ATP11B: variants seen among roughly 807,000 people sequenced by gnomAD.
ATP11B encodes the protein ATPase phospholipid transporting 11B (putative).
Under a neutral mutation model 157.8 loss-of-function variants are expected in ATP11B, and 81 were observed. The ratio of observed to expected loss-of-function variants is 0.51; its 90% CI spans 0.43 to 0.62. The LOEUF (loss-of-function observed/expected upper bound fraction) is 0.62, where lower values mean the gene tolerates loss of function less well. ATP11B is among the 20% of genes least tolerant of loss of function. ATP11B has a pLI of 0.00. For missense variants in ATP11B, 1,165 were observed against 1,402.2 expected (o/e 0.83, Z 2.70); for synonymous variants, 451 against 469.4 (o/e 0.96, Z 0.51).
At chr3:182,874,309 A>G (rs1577060492) in intron 19 of ATP11B, among the ~76,000 whole-genome samples, 1 of 152,326 alleles carries the variant, frequency 6.6e-6, no homozygotes, top group African/African-American at 2.4e-5. Context: ...GAGTAGTTGC[A>G]GCAGAGACTT....
At chr3:182,873,326 A>T (rs557905556) in intron 18 of ATP11B, among the ~76,000 whole-genome samples, 1 of 152,104 alleles carries the variant, frequency 6.6e-6, no homozygotes, top group South Asian at 2.1e-4. Flanking sequence ...CATATTTTTA[A>T]AATCTATGTT....
chr3:182,843,274 A>G (rs979100845), intron 8 of ATP11B, among the ~76,000 whole-genome samples: 5 of 152,356 alleles, frequency 3.3e-5, no homozygotes, highest in Non-Finnish European at 7.4e-5. Flanking sequence ...AACAAATCCC[A>G]TGAAATGATA....
intron 10 of ATP11B, among the ~76,000 whole-genome samples, chr3:182,856,631 C>G (rs1329709236): frequency 6.6e-6 from 1 of 152,132 alleles, no homozygotes; most frequent in East Asian, 1.9e-4. Context: ...GCGAGCAGTA[C>G]TATAGGTGAA....
Position 182,818,497 on chromosome 3 carries a change from G to A in ATP11B, c.28-1763G>A, listed in dbSNP as rs149578092. Among the ~76,000 whole-genome samples, 49 of 152,262 alleles carry A rather than the reference G, an allele frequency of 3.2e-4. No homozygotes were observed. The East Asian group carries it at 8.9e-3, about 28-fold the overall frequency. On this transcript the variant is annotated intron_variant, in intron 1 of 29. Transcript: ENST00000323116. ...ACTATTGCAAAATGTTGCAAAAGCAGGGTAGAAAAATCTTAGGACTTTAAA... is the reference window on the plus strand; with the variant it reads ...ACTATTGCAAAATGTTGCAAAAGCAAGGTAGAAAAATCTTAGGACTTTAAA...
chr3:182,836,766 T>C (rs555378348), intron 6 of ATP11B: 96 of 493,014 alleles, frequency 1.9e-4, no homozygotes, highest in African/African-American at 1.9e-3. Context: ...ATTTTCTCAG[T>C]TTTCAGAGGG....
intron 28 of ATP11B, among the ~76,000 whole-genome samples, chr3:182,911,625 C>T (rs944906185): frequency 1.3e-5 from 2 of 152,086 alleles, no homozygotes; most frequent in African/African-American, 2.4e-5. Flanking sequence ...CTGGGGCATA[C>T]GTGGTGAGCA....
At chr3:182,816,991 A>G (rs148842550) in intron 1 of ATP11B, among the ~76,000 whole-genome samples, 1 of 152,230 alleles carries the variant, frequency 6.6e-6, no homozygotes, top group Admixed American at 6.5e-5. Context: ...TACTTATACT[A>G]TAGACACATA....
chr3:182,794,517 C>T (rs1387622575), intron 1 of ATP11B, among the ~76,000 whole-genome samples: 2 of 152,128 alleles, frequency 1.3e-5, no homozygotes, highest in Admixed American at 6.5e-5. Context: ...ACTTTTTTCC[C>T]GTTCTCCTCA....
chr3:182,894,525 C>A (rs1723394072), intron 25 of ATP11B, among the ~76,000 whole-genome samples: 1 of 152,164 alleles, frequency 6.6e-6, no homozygotes. Flanking sequence ...AATGCCTTTG[C>A]CACTCACATT....
Position 182,853,254 on chromosome 3 carries a change from C to G in ATP11B, c.852-4624C>G, listed in dbSNP as rs1334442870. Among the ~76,000 whole-genome samples the G allele has an allele frequency of 3.3e-5, 5 of 152,278 alleles. No individual in the cohort carries two copies. In the East Asian group the frequency reaches 9.7e-4, roughly 29 times the overall value. ...GACAGAGTCTCACTCTGTCACCAGG[C>G]TGGAGTGCAGTGGTGCGATCTCGGC... On this transcript the variant is annotated intron_variant, in intron 10 of 29. Coordinates refer to ENST00000323116, the MANE Select transcript of ATP11B (RefSeq NM_014616.3).
At chr3:182,911,413 A>G (rs921390681) in intron 28 of ATP11B, among the ~76,000 whole-genome samples, 1 of 136,080 alleles carries the variant, frequency 7.3e-6, no homozygotes. Context: ...TCTTATAATC[A>G]TAAGGCAGGA....
At chr3:182,879,430 C>G in intron 19 of ATP11B, 66 bp from the exon 20 acceptor site, 2 of 1,378,972 alleles carry the variant, frequency 1.5e-6, no homozygotes, top group Admixed American at 4.8e-5. Flanking sequence ...ATGTGTTGTT[C>G]TATATGAGTG....
intron 12 of ATP11B, among the ~76,000 whole-genome samples, chr3:182,864,042 C>A (rs1721048431): frequency 6.6e-6 from 1 of 151,890 alleles, no homozygotes; most frequent in South Asian, 2.1e-4. Flanking sequence ...CATTTATTTG[C>A]TTTTTGACTT....
intron 19 of ATP11B, among the ~76,000 whole-genome samples, chr3:182,877,192 GA>G (rs1190940452): frequency 6.6e-6 from 1 of 152,206 alleles, no homozygotes; most frequent in African/African-American, 2.4e-5. Flanking sequence ...TCTGAGGCAA[GA>G]ACAGAAGCTC....
At chr3:182,794,471 C>A (rs1715473530) in intron 1 of ATP11B, among the ~76,000 whole-genome samples, 1 of 152,192 alleles carries the variant, frequency 6.6e-6, no homozygotes, top group South Asian at 2.1e-4. Context: ...CTCGTCCTCA[C>A]CCCACCCCGA....
chr3:182,886,265 A>G (rs548215771), intron 23 of ATP11B, among the ~76,000 whole-genome samples: 1 of 152,276 alleles, frequency 6.6e-6, no homozygotes, highest in Admixed American at 6.5e-5. Flanking sequence ...ATAACCCTTA[A>G]CAGCTTATGA....
chr3:182,848,885 G>A (rs1333364284), intron 10 of ATP11B, among the ~76,000 whole-genome samples: 4 of 152,092 alleles, frequency 2.6e-5, no homozygotes, highest in Non-Finnish European at 5.9e-5. Context: ...AACCAGAATC[G>A]AATAGAAATG....
intron 17 of ATP11B, among the ~76,000 whole-genome samples, chr3:182,871,336 G>T (rs373095602): frequency 1.3e-5 from 2 of 152,110 alleles, no homozygotes; most frequent in African/African-American, 4.8e-5. Flanking sequence ...GTTTTCTTGA[G>T]GAAAATGCAT....
chr3:182,863,705 T>TTATA (rs144332460), intron 12 of ATP11B, among the ~76,000 whole-genome samples: 1 of 150,218 alleles, frequency 6.7e-6, no homozygotes, highest in Admixed American at 6.6e-5. Context: ...CTTCTTGATT[T>TTATA]TATATATATA....
Sources: gnomAD v4.1 joint callset for allele counts (sites outside exome capture counted in the v4.1 genomes callset) on GRCh38, gnomAD v4.1.1 for gene constraint, MANE v1.5 for transcripts, NCBI Gene and HGNC (gene_info 2026-07-23, HGNC 2026-07-21) for gene names.